Variants in FAM107B observed in about 807,000 individuals in gnomAD.
FAM107B encodes family with sequence similarity 107 member B, also known as protein FAM107B.
Under a neutral mutation model 31.5 loss-of-function variants are expected in FAM107B, and 21 were observed. The ratio of observed to expected loss-of-function variants is 0.67; its 90% CI spans 0.47 to 0.96. FAM107B has a LOEUF of 0.96. FAM107B is among the 40% of genes least tolerant of loss of function. The pLI, the probability that FAM107B is intolerant of heterozygous loss-of-function variation, is 0.00. For synonymous variants in FAM107B, 157 were observed against 141.5 expected (o/e 1.11, Z -0.78); for missense variants, 452 against 377.1 (o/e 1.20, Z -1.64).
chr10:14,747,505 G>C (rs970196914), intron 1 of FAM107B, among the ~76,000 whole-genome samples: 3 of 152,142 alleles, frequency 2.0e-5, no homozygotes, highest in African/African-American at 4.8e-5. Flanking sequence ...TGTTGTTGTT[G>C]TTGTTGCTTT....
chr10:14,603,166 GAA>G (rs2131376713), intron 2 of FAM107B, among the ~76,000 whole-genome samples: 1 of 152,114 alleles, frequency 6.6e-6, no homozygotes, highest in South Asian at 2.1e-4. Flanking sequence ...ATTTTCTCAT[GAA>G]AAGTTTTAAA....
At chr10:14,522,905 C>T (rs1012963936) in intron 3 of FAM107B, among the ~76,000 whole-genome samples, 2 of 152,108 alleles carry the variant, frequency 1.3e-5, no homozygotes, top group Non-Finnish European at 1.5e-5. Flanking sequence ...TTCTCAGTCC[C>T]GTGCTCCTCC....
At chr10:14,579,952 G>T (rs1851582063) in intron 2 of FAM107B, among the ~76,000 whole-genome samples, 1 of 151,134 alleles carries the variant, frequency 6.6e-6, no homozygotes. Flanking sequence ...AACCCAGGAA[G>T]CAGAAGTTGC....
chr10:14,696,775 T>A (rs1193813525), intron 1 of FAM107B, among the ~76,000 whole-genome samples: 1 of 152,178 alleles, frequency 6.6e-6, no homozygotes, highest in African/African-American at 2.4e-5. Context: ...CTTCTGAATG[T>A]GGATTGTGCC....
At chr10:14,726,354 T>G (rs1216193635) in intron 1 of FAM107B, among the ~76,000 whole-genome samples, 4 of 152,168 alleles carry the variant, frequency 2.6e-5, no homozygotes, top group Non-Finnish European at 4.4e-5. Flanking sequence ...CATCTCCTGT[T>G]ACAAATCAGG....
At chr10:14,564,762 C>T (rs1284712751) in intron 2 of FAM107B, among the ~76,000 whole-genome samples, 2 of 152,218 alleles carry the variant, frequency 1.3e-5, no homozygotes, top group Non-Finnish European at 2.9e-5. Flanking sequence ...TACAGCTTTA[C>T]TTTCTAATTA....
At chr10:14,549,543 TA>T (rs1466299886) in intron 2 of FAM107B, among the ~76,000 whole-genome samples, 1 of 151,888 alleles carries the variant, frequency 6.6e-6, no homozygotes, top group Non-Finnish European at 1.5e-5. Flanking sequence ...AATAAGGGAG[TA>T]AACTACACTG....
rs187886655 is a variant in FAM107B, at chr10:14,629,904, A to T, written c.469+37730T>A. Among the ~76,000 whole-genome samples, 604 of 152,292 alleles carry T rather than the reference A, an allele frequency of 4.0e-3. 2 individuals are homozygous for T. Among genetic ancestry groups the T allele is most frequent in the South Asian group, 0.018 (87 of 4,826 alleles). On this transcript the variant is annotated intron_variant, in intron 2 of 4. Coordinates refer to ENST00000181796, the MANE Select transcript of FAM107B (RefSeq NM_031453.4). Reference sequence around the variant, plus strand: ...AACATGATTTTTACATTTACTTTTTAAAATCAAGTATTAATACTAAAAAAC... The same window carrying T: ...AACATGATTTTTACATTTACTTTTTTAAATCAAGTATTAATACTAAAAAAC...
chr10:14,558,695 G>C (rs919856430), intron 2 of FAM107B, among the ~76,000 whole-genome samples: 8 of 152,102 alleles, frequency 5.3e-5, no homozygotes, highest in African/African-American at 1.7e-4. Context: ...ACTGGGGTTG[G>C]GTGGGGAGTT....
In FAM107B at chr10:14,587,921, T is replaced by C. The variant is rs553197768; in HGVS notation, c.470-57406A>G. Among the ~76,000 whole-genome samples the C allele has an allele frequency of 2.6e-5, 4 of 152,324 alleles. No homozygotes were observed. In the South Asian group the frequency reaches 8.3e-4, roughly 32 times the overall value. On this transcript the variant is annotated intron_variant, in intron 2 of 4. Transcript: ENST00000181796. ...CACAGCCTCCTCCTGCACTCAATCC[T>C]ATGATAACTGCTGAAAACTCCAGCA...
At chr10:14,591,725 T>C (rs937877830) in intron 2 of FAM107B, among the ~76,000 whole-genome samples, 3 of 152,204 alleles carry the variant, frequency 2.0e-5, no homozygotes, top group African/African-American at 4.8e-5. Flanking sequence ...GTCAGACCTT[T>C]TCCTAAGCTG....
At chr10:14,673,254 T>C (rs1288730244) in intron 1 of FAM107B, among the ~76,000 whole-genome samples, 1 of 152,194 alleles carries the variant, frequency 6.6e-6, no homozygotes, top group Non-Finnish European at 1.5e-5. Context: ...GGCTGTAATT[T>C]TGTACTCATT....
intron 1 of FAM107B, among the ~76,000 whole-genome samples, chr10:14,756,982 G>T (rs1387731518): frequency 6.6e-6 from 1 of 152,102 alleles, no homozygotes; most frequent in African/African-American, 2.4e-5. Flanking sequence ...GACACACAGA[G>T]GGGAACAACA....
chr10:14,702,106 A>C (rs1855412807), intron 1 of FAM107B, among the ~76,000 whole-genome samples: 1 of 152,256 alleles, frequency 6.6e-6, no homozygotes. Context: ...GACAACAATT[A>C]ATTTGTTCCA....
At chr10:14,729,309 T>C (rs1588736901) in intron 1 of FAM107B, among the ~76,000 whole-genome samples, 1 of 152,172 alleles carries the variant, frequency 6.6e-6, no homozygotes, top group East Asian at 1.9e-4. Context: ...AAGTTAAATA[T>C]TTTTATCCCT....
chr10:14,608,756 G>A (rs1302539736), intron 2 of FAM107B, among the ~76,000 whole-genome samples: 1 of 152,168 alleles, frequency 6.6e-6, no homozygotes. Context: ...ATGTCACAAG[G>A]TCAGCCCAAA....
chr10:14,610,817 C>G (rs1019056549), intron 2 of FAM107B, among the ~76,000 whole-genome samples: 1 of 152,216 alleles, frequency 6.6e-6, no homozygotes, highest in African/African-American at 2.4e-5. Context: ...AGCTCCAAAA[C>G]AGAGCTGTAT....
intron 2 of FAM107B, among the ~76,000 whole-genome samples, chr10:14,582,656 C>T (rs1298537019): frequency 1.3e-5 from 2 of 152,070 alleles, no homozygotes; most frequent in African/African-American, 2.4e-5. Context: ...GGATTACAGG[C>T]GTGAGCCACC....
chr10:14,669,198 T>C (rs1010486720), intron 1 of FAM107B, among the ~76,000 whole-genome samples: 6 of 151,902 alleles, frequency 3.9e-5, no homozygotes, highest in Non-Finnish European at 5.9e-5. Flanking sequence ...TGAAACCCCA[T>C]CTCTACAAAA....
Sources: gnomAD v4.1 joint callset for allele counts (sites outside exome capture counted in the v4.1 genomes callset) on GRCh38, gnomAD v4.1.1 for gene constraint, MANE v1.5 for transcripts, NCBI Gene and HGNC (gene_info 2026-07-23, HGNC 2026-07-21) for gene names.